SPX: variants seen among roughly 807,000 people sequenced by gnomAD.
SPX encodes spexin.
Under a neutral mutation model 19.2 loss-of-function variants are expected in SPX, and 22 were observed. The observed-to-expected ratio is 1.15, with a 90% CI of 0.82 to 1.64. The LOEUF is 1.64. Among genes scored for constraint, SPX ranks in the 40% most tolerant of loss-of-function variants. The probability of loss-of-function intolerance (pLI) is 0.00; values close to 1 mark genes in which losing one functional copy is unlikely to be tolerated. For synonymous variants in SPX, 50 were observed against 53.3 expected, an observed-to-expected ratio of 0.94 and a Z score of 0.27; for missense variants, 143 against 137.7, an observed-to-expected ratio of 1.04 and a Z score of -0.19.
rs1327140966 is a variant in SPX at position 21,527,138 on chromosome 12, CTG to C, written c.93_94del (p.Leu32GlyfsTer67). 6.2e-7 allele frequency: 1 copy of C among 1,613,806 alleles called. No individual in the cohort carries two copies. On this transcript the variant is annotated frameshift_variant, in exon 3 of 6. Coordinates refer to ENST00000256969, the MANE Select transcript of SPX (RefSeq NM_030572.4). LOFTEE classifies it high-confidence loss of function. ...LGNSSCAPQR[L>X]LERRNWTPQA... ...CTTCCCTTCCCCCGGGCTATAGAGA[CTG>C]TTGGAGAGAAGGAACTGGACTCCTC... is the stretch of plus-strand genomic sequence containing the variant.
rs901681739 is a variant in SPX at position 21,532,245 on chromosome 12, A to G, written c.*1050A>G. ...ATGACCATCATGTTAATTATTTTTT[A>G]CCTAATCAGAGTTGTTATTGACAAA... On this transcript the variant is annotated 3_prime_UTR_variant, in exon 6 of 6. Transcript: ENST00000256969. 1 of 152,190 alleles carries G rather than the reference A, an allele frequency of 6.6e-6. No individual in the cohort carries two copies. The highest frequency in any genetic ancestry group is 2.4e-5 in the African/African-American group (1 of 41,454). 9.4% of individuals were successfully genotyped at this position (152,190 alleles called of 1,614,324 possible). A position where few individuals can be genotyped will look rare whatever the true frequency, so the allele number is the denominator to read the frequency against.
At chr12:21,527,491 G>C (rs1943825293) in intron 3 of SPX, 1 of 604,030 alleles carries the variant, frequency 1.7e-6, no homozygotes, top group Non-Finnish European at 2.9e-6. Flanking sequence ...CCGCTCCAAA[G>C]CGCCCTTGCG....
At position 21,532,407 on chromosome 12, in the gene SPX, T is replaced by G. The variant is rs1943874282; in HGVS notation, c.*1212T>G. The G allele has an allele frequency of 2.0e-5, 3 of 152,338 alleles. No individual in the cohort carries two copies. The highest frequency in any genetic ancestry group is 1.3e-4 in the Admixed American group (2 of 15,302). The allele number at this position is 152,338 out of a possible 1,614,324, so 9.4% of individuals were successfully genotyped here. A position where few individuals can be genotyped will look rare whatever the true frequency, so the allele number is the denominator to read the frequency against. Reference sequence around the variant, plus strand: ...TGTGTTAAGTAATCAGAACTCTGCTTATAAGATTTATCTGTATCTTGTTTC... The same window carrying G: ...TGTGTTAAGTAATCAGAACTCTGCTGATAAGATTTATCTGTATCTTGTTTC... On this transcript the variant is annotated 3_prime_UTR_variant, in exon 6 of 6. Coordinates refer to ENST00000256969, the MANE Select transcript of SPX (RefSeq NM_030572.4).
At chr12:21,528,014 C>T (rs1488199817) in intron 4 of SPX, 2 of 540,598 alleles carry the variant, frequency 3.7e-6, no homozygotes, top group East Asian at 3.2e-5. Context: ...AGCCCCGCGC[C>T]AATGGTGGCA....
chr12:21,527,904 G>A, intron 4 of SPX, 115 bp downstream of exon 4: 1 of 1,221,758 alleles, frequency 8.2e-7, no homozygotes, highest in Non-Finnish European at 1.1e-6. Flanking sequence ...GGAAAGACGC[G>A]GCTCTGAGGC....
intron 4 of SPX, 143 bp from the exon 5 acceptor site, chr12:21,528,858 G>T (rs1179116032): frequency 2.9e-6 from 2 of 691,028 alleles, no homozygotes; most frequent in Non-Finnish European, 5.0e-6. Flanking sequence ...TAAAAAATTA[G>T]TCTTCTGTGT....
At chr12:21,528,761 G>A (rs1943837805) in intron 4 of SPX, among the ~76,000 whole-genome samples, 1 of 152,126 alleles carries the variant, frequency 6.6e-6, no homozygotes, top group Non-Finnish European at 1.5e-5. Context: ...ATTCTCTTTG[G>A]CATATAGTTT....
chr12:21,527,205 T>C lies in SPX; in HGVS notation c.145+13T>C. The C allele has an allele frequency of 1.9e-6, 3 of 1,610,746 alleles. No individual in the cohort carries two copies. The highest frequency in any genetic ancestry group is 2.5e-6 in the Non-Finnish European group (3 of 1,177,084). On this transcript the variant is annotated intron_variant, in intron 3 of 5. Transcript: ENST00000256969. ...CTGAAAGGGGCACGTAAGTTCCAAA[T>C]ATTTCGCTCTTCCTACAATAATGGA...
chr12:21,531,097 A>T (rs951939507), intron 5 of SPX, 40 bp from the exon 6 acceptor site: 1 of 1,191,736 alleles, frequency 8.4e-7, no homozygotes, highest in African/African-American at 1.6e-5. Context: ...ATTAAAACGC[A>T]GAGTGTATAT....
chr12:21,531,248 C>T lies in SPX; in HGVS notation c.*53C>T. ...GTTCTATTCTCTTTGAAAACATGAA[C>T]CATGTGAATAAAACCTTTGGACCCT... is the stretch of plus-strand genomic sequence containing the variant. On this transcript the variant is annotated 3_prime_UTR_variant, in exon 6 of 6. Coordinates refer to ENST00000256969, the MANE Select transcript of SPX (RefSeq NM_030572.4). 2 of 1,323,578 alleles carry T rather than the reference C, an allele frequency of 1.5e-6. No homozygotes were observed. The highest frequency in any genetic ancestry group is 2.1e-6 in the Non-Finnish European group (2 of 952,878). The allele number at this position is 1,323,578 out of a possible 1,614,324, so 82.0% of individuals were successfully genotyped here.
In SPX at chr12:21,528,995, C is replaced by T; in HGVS notation, c.209-6C>T. The T allele has an allele frequency of 1.2e-6, 2 of 1,612,468 alleles. No individual in the cohort carries two copies. The highest frequency in any genetic ancestry group is 1.7e-6 in the Non-Finnish European group (2 of 1,178,602). The stretch of plus-strand genomic sequence containing the variant: ...AGAGAATCTGTATACATTTTTGTTT[C>T]TGCAGAAAGACGAAGCCCAAATCCC... On this transcript the variant is annotated splice_region_variant and splice_polypyrimidine_tract_variant and intron_variant, in intron 4 of 5. Coordinates refer to ENST00000256969, the MANE Select transcript of SPX (RefSeq NM_030572.4).
At chr12:21,526,830 A>C in intron 1 of SPX, 56 bp from the exon 2 acceptor site, 1 of 1,503,708 alleles carries the variant, frequency 6.7e-7, no homozygotes, top group Non-Finnish European at 9.2e-7. Context: ...CAAGGAAGGA[A>C]GCAGAAGATC....
At chr12:21,528,082 G>A (rs181500919) in intron 4 of SPX, 579 of 401,594 alleles carry the variant, frequency 1.4e-3, no homozygotes, top group Admixed American at 4.4e-3. Context: ...CGGCTGTTCA[G>A]CCAGCCCTCT....
At chr12:21,529,271 T>G (rs1299488370) in intron 5 of SPX, among the ~76,000 whole-genome samples, 187 bp downstream of exon 5, 2 of 152,076 alleles carry the variant, frequency 1.3e-5, no homozygotes, top group Non-Finnish European at 2.9e-5. Flanking sequence ...ATTATTCTGA[T>G]GATTGGTCAG....
At chr12:21,527,703 G>A in intron 3 of SPX, 24 bp from the exon 4 acceptor site, 3 of 1,556,936 alleles carry the variant, frequency 1.9e-6, no homozygotes, top group Non-Finnish European at 2.6e-6. Context: ...GGCTGTCGCT[G>A]AGCCCCAGGT....
chr12:21,527,890 CACCG>C, intron 4 of SPX, 101 bp downstream of exon 4: 1 of 1,373,450 alleles, frequency 7.3e-7, no homozygotes, highest in South Asian at 1.3e-5. Context: ...AGCGTCTCCT[CACCG>C]GAAAGACGCG....
At position 21,529,406 on chromosome 12, in the gene SPX, T is replaced by TG. The variant is rs561327027; in HGVS notation, c.292+328dup. 3.7e-3 allele frequency among the ~76,000 whole-genome samples: 563 copies of TG among 151,652 alleles called. 2 individuals are homozygous for TG. Among genetic ancestry groups the TG allele is most frequent in the South Asian group, 7.5e-3 (36 of 4,788 alleles). ...TAAAACACCCAAAAATCAAGGGAAATGGGGGGAAATAGTACCAGTGAAGGG... is the reference window on the plus strand; with the variant it reads ...TAAAACACCCAAAAATCAAGGGAAATGGGGGGGAAATAGTACCAGTGAAGGG... On this transcript the variant is annotated intron_variant, in intron 5 of 5. Coordinates refer to ENST00000256969, the MANE Select transcript of SPX (RefSeq NM_030572.4).
intron 5 of SPX, among the ~76,000 whole-genome samples, chr12:21,530,825 A>G (rs1389100949): frequency 6.6e-6 from 1 of 152,210 alleles, no homozygotes; most frequent in East Asian, 1.9e-4. Flanking sequence ...GGTATTTTAG[A>G]TATAAGTCAA....
intron 1 of SPX, 90 bp from the exon 2 acceptor site, chr12:21,526,796 G>A (rs986371724): frequency 1.1e-5 from 14 of 1,229,836 alleles, no homozygotes; most frequent in Non-Finnish European, 1.7e-5. Flanking sequence ...CGAGAAGTAA[G>A]GGGGTTTATA....
Sources: gnomAD v4.1 joint callset for allele counts (sites outside exome capture counted in the v4.1 genomes callset) on GRCh38, gnomAD v4.1.1 for gene constraint, MANE v1.5 for transcripts, NCBI Gene and HGNC (gene_info 2026-07-23, HGNC 2026-07-21) for gene names.